The following PACRG variants were observed in gnomAD, a reference collection of about 807,000 sequenced individuals.
PACRG encodes parkin coregulated gene protein.
Under a neutral mutation model 29.7 loss-of-function variants are expected in PACRG, and 29 were observed. The ratio of observed to expected loss-of-function variants is 0.98; its 90% confidence interval spans 0.73 to 1.33. The LOEUF is 1.33. Among genes scored for constraint, PACRG ranks in the 40% most tolerant of loss-of-function variants. The probability of loss-of-function intolerance (pLI) is 0.00; values close to 1 mark genes in which losing one functional copy is unlikely to be tolerated. For missense variants in PACRG, 279 were observed against 316.2 expected (o/e 0.88, Z 0.89); for synonymous variants, 116 against 118.7 (o/e 0.98, Z 0.15).
At chr6:162,830,132 T>G (rs1186753989) in intron 2 of PACRG, among the ~76,000 whole-genome samples, 2 of 152,100 alleles carry the variant, frequency 1.3e-5, no homozygotes, top group Non-Finnish European at 2.9e-5. Flanking sequence ...ATTCCTCACT[T>G]TATAGCAACA....
intron 2 of PACRG, among the ~76,000 whole-genome samples, chr6:162,925,373 T>G (rs963990867): frequency 5.9e-5 from 9 of 152,084 alleles, no homozygotes; most frequent in African/African-American, 1.7e-4. Context: ...AAAGAAAACT[T>G]CAGGCCAATA....
At chr6:162,986,883 T>G (rs1344366241) in intron 2 of PACRG, among the ~76,000 whole-genome samples, 2 of 152,136 alleles carry the variant, frequency 1.3e-5, no homozygotes, top group East Asian at 3.9e-4. Context: ...TGTTTTTTCT[T>G]TATGATATCT....
At position 162,814,143 on chromosome 6, in the gene PACRG, TA is replaced by T; in HGVS notation, c.157-2del. On this transcript the variant is annotated splice_polypyrimidine_tract_variant and splice_region_variant and intron_variant, in intron 1 of 4. Coordinates refer to ENST00000366888, the MANE Select transcript of PACRG (RefSeq NM_001080379.2). ...TGATCCCTATTTTTTTTTTTCCAAT[TA>T]AGGTGAGAGGCCCTCCAGCTGCAGG... 6.2e-7 allele frequency: 1 copy of T among 1,601,974 alleles called. No individual in the cohort carries two copies. Among genetic ancestry groups the T allele is most frequent in the Non-Finnish European group, 8.5e-7 (1 of 1,174,500 alleles).
intron 1 of PACRG, among the ~76,000 whole-genome samples, chr6:162,767,526 GTGTTTTTTTT>G (rs1782890555): frequency 1.5e-5 from 1 of 68,138 alleles, no homozygotes; most frequent in African/African-American, 8.8e-5. Flanking sequence ...ATATCCTTAG[GTGTTTTTTTT>G]TGTTTTTGTG....
chr6:162,874,814 C>A (rs1403901525), intron 2 of PACRG, among the ~76,000 whole-genome samples: 1 of 151,930 alleles, frequency 6.6e-6, no homozygotes, highest in African/African-American at 2.4e-5. Flanking sequence ...AAGTCACATT[C>A]ATACGACTCG....
At chr6:162,859,579 A>T (rs901224341) in intron 2 of PACRG, among the ~76,000 whole-genome samples, 1 of 152,094 alleles carries the variant, frequency 6.6e-6, no homozygotes, top group Admixed American at 6.5e-5. Flanking sequence ...AGGTTCATAG[A>T]AACCAAAATT....
At chr6:163,254,849 T>C (rs1195954941) in intron 4 of PACRG, among the ~76,000 whole-genome samples, 1 of 152,232 alleles carries the variant, frequency 6.6e-6, no homozygotes, top group Non-Finnish European at 1.5e-5. Context: ...ACTGTGCTGA[T>C]GTTTTTAAAG....
chr6:163,260,820 G>C (rs888693444), intron 4 of PACRG, among the ~76,000 whole-genome samples: 1 of 152,214 alleles, frequency 6.6e-6, no homozygotes, highest in Non-Finnish European at 1.5e-5. Flanking sequence ...GAACGCTGCT[G>C]CTTAACCCTT....
intron 4 of PACRG, among the ~76,000 whole-genome samples, chr6:163,211,700 C>T (rs1163429188): frequency 6.6e-6 from 1 of 152,172 alleles, no homozygotes. Flanking sequence ...GTTCCTCCCC[C>T]TATAAGAGTT....
At chr6:163,281,148 G>C (rs1784212689) in intron 4 of PACRG, among the ~76,000 whole-genome samples, 1 of 152,138 alleles carries the variant, frequency 6.6e-6, no homozygotes, top group African/African-American at 2.4e-5. Flanking sequence ...ACTCTGGGCT[G>C]GAGCGGTGGA....
intron 2 of PACRG, among the ~76,000 whole-genome samples, chr6:162,977,519 G>A (rs897000442): frequency 4.0e-5 from 6 of 151,676 alleles, no homozygotes; most frequent in Non-Finnish European, 7.4e-5. Flanking sequence ...TCGCCACCCT[G>A]AGCCCCTTTT....
intron 1 of PACRG, among the ~76,000 whole-genome samples, chr6:162,812,164 C>A (rs1786927219): frequency 6.6e-6 from 1 of 152,168 alleles, no homozygotes; most frequent in East Asian, 1.9e-4. Flanking sequence ...TTGTCTGTAT[C>A]AATGTCAATA....
chr6:163,062,751 G>T (rs1427939232), intron 3 of PACRG, among the ~76,000 whole-genome samples: 1 of 152,134 alleles, frequency 6.6e-6, no homozygotes, highest in Non-Finnish European at 1.5e-5. Context: ...AGCTGCATAG[G>T]TGAAAAGAAG....
Position 163,175,195 on chromosome 6 carries a change from C to T in PACRG, c.613+85787C>T, listed in dbSNP as rs983406939. On this transcript the variant is annotated intron_variant, in intron 4 of 4. Coordinates refer to ENST00000366888, the MANE Select transcript of PACRG (RefSeq NM_001080379.2). ...GGAACTGGACTAGTATTTTCTACTGCGTTCCGATCTGCCCTCCTAAGATAA... is the reference window on the plus strand; with the variant it reads ...GGAACTGGACTAGTATTTTCTACTGTGTTCCGATCTGCCCTCCTAAGATAA... 3.9e-5 allele frequency among the ~76,000 whole-genome samples: 6 copies of T among 152,126 alleles called. No individual in the cohort carries two copies. The East Asian group carries it at 9.7e-4, about 25-fold the overall frequency.
intron 4 of PACRG, among the ~76,000 whole-genome samples, chr6:163,267,983 G>T (rs1783593272): frequency 6.6e-6 from 1 of 152,142 alleles, no homozygotes. Flanking sequence ...TCAATATGTG[G>T]CTTTAGAAAA....
intron 1 of PACRG, among the ~76,000 whole-genome samples, chr6:162,732,169 A>G (rs1032809266): frequency 1.3e-5 from 2 of 152,152 alleles, no homozygotes; most frequent in South Asian, 4.1e-4. Flanking sequence ...GCAAAAGCCT[A>G]TGAAAGCTTG....
intron 4 of PACRG, among the ~76,000 whole-genome samples, chr6:163,297,202 G>A (rs533794805): frequency 6.6e-6 from 1 of 152,292 alleles, no homozygotes; most frequent in East Asian, 1.9e-4. Flanking sequence ...TCACTAAAGA[G>A]GGTGAACAAA....
intron 2 of PACRG, chr6:163,051,399 A>G (rs1809996085): frequency 6.6e-6 from 1 of 152,024 alleles, no homozygotes; most frequent in Non-Finnish European, 1.5e-5. Context: ...GTACGAGATT[A>G]TGCAAGTGTT....
chr6:162,977,540 G>A (rs1275001117), intron 2 of PACRG, among the ~76,000 whole-genome samples: 2 of 150,420 alleles, frequency 1.3e-5, no homozygotes, highest in Non-Finnish European at 3.0e-5. Flanking sequence ...TTTTCTCCTC[G>A]AACCCCATCC....
Sources: gnomAD v4.1 joint callset for allele counts (sites outside exome capture counted in the v4.1 genomes callset) on GRCh38, gnomAD v4.1.1 for gene constraint, MANE v1.5 for transcripts, NCBI Gene and HGNC (gene_info 2026-07-23, HGNC 2026-07-21) for gene names.